Variants in KHDRBS3 observed in about 807,000 individuals in gnomAD.
KHDRBS3 encodes KH RNA binding domain containing, signal transduction associated 3.
Under a neutral mutation model 45.6 loss-of-function variants are expected in KHDRBS3, and 23 were observed. The observed-to-expected ratio is 0.50, with a 90% CI of 0.36 to 0.72. KHDRBS3 has a LOEUF of 0.72. KHDRBS3 is among the 30% of genes least tolerant of loss of function. The pLI, the probability that KHDRBS3 is intolerant of heterozygous loss-of-function variation, is 0.00. For synonymous variants in KHDRBS3, 162 were observed against 156.5 expected (o/e 1.04, Z -0.26); for missense variants, 352 against 424.8 (o/e 0.83, Z 1.51).
At chr8:135,480,594 T>G (rs1822512076) in intron 1 of KHDRBS3, among the ~76,000 whole-genome samples, 1 of 152,088 alleles carries the variant, frequency 6.6e-6, no homozygotes, top group East Asian at 1.9e-4. Context: ...AAGGCACTCT[T>G]TACATACTTG....
intron 6 of KHDRBS3, among the ~76,000 whole-genome samples, chr8:135,584,703 G>A (rs977789151): frequency 1.3e-5 from 2 of 152,120 alleles, no homozygotes; most frequent in African/African-American, 4.8e-5. Context: ...TGCTTACAGT[G>A]GCTTGCCATC....
At chr8:135,611,709 A>G (rs1032592932) in intron 7 of KHDRBS3, among the ~76,000 whole-genome samples, 2 of 151,896 alleles carry the variant, frequency 1.3e-5, no homozygotes, top group South Asian at 2.1e-4. Context: ...CCTCATTTCA[A>G]TTTAAATCAG....
At chr8:135,523,920 T>C (rs893748717) in intron 2 of KHDRBS3, among the ~76,000 whole-genome samples, 1 of 152,218 alleles carries the variant, frequency 6.6e-6, no homozygotes, top group African/African-American at 2.4e-5. Flanking sequence ...CTAAAACCTT[T>C]GTATTCTTGG....
chr8:135,556,971 T>C (rs1045740356), intron 4 of KHDRBS3, among the ~76,000 whole-genome samples: 6 of 152,216 alleles, frequency 3.9e-5, no homozygotes, highest in African/African-American at 1.4e-4. Context: ...GTCCCTGTGG[T>C]TCTTAACTAC....
intron 4 of KHDRBS3, among the ~76,000 whole-genome samples, chr8:135,553,353 T>TG (rs1261077986): frequency 1.3e-5 from 2 of 152,188 alleles, no homozygotes; most frequent in Admixed American, 1.3e-4. Flanking sequence ...TTGCTTTTTA[T>TG]GGGGGAGGCT....
At chr8:135,481,959 A>G (rs889571488) in intron 1 of KHDRBS3, among the ~76,000 whole-genome samples, 2 of 152,106 alleles carry the variant, frequency 1.3e-5, no homozygotes, top group Non-Finnish European at 2.9e-5. Context: ...TAGAAAACTG[A>G]AGGTTTGGTT....
intron 1 of KHDRBS3, among the ~76,000 whole-genome samples, chr8:135,466,275 A>C (rs1821693217): frequency 6.6e-6 from 1 of 152,184 alleles, no homozygotes; most frequent in African/African-American, 2.4e-5. Flanking sequence ...CACTGTAGCT[A>C]GGTTCTTCAC....
intron 7 of KHDRBS3, among the ~76,000 whole-genome samples, chr8:135,641,574 A>G (rs1831059767): frequency 6.6e-6 from 1 of 152,222 alleles, no homozygotes; most frequent in African/African-American, 2.4e-5. Context: ...ATGAGAAATT[A>G]TGTTGACTAC....
intron 2 of KHDRBS3, among the ~76,000 whole-genome samples, chr8:135,536,885 G>A (rs4909292): frequency 0.029 from 4,204 of 145,778 alleles, 201 homozygotes; most frequent in African/African-American, 0.099. Flanking sequence ...GCATGAACCC[G>A]GGAAGCGGAG....
intron 6 of KHDRBS3, among the ~76,000 whole-genome samples, chr8:135,582,705 G>A (rs181061391): frequency 6.6e-6 from 1 of 152,312 alleles, no homozygotes; most frequent in East Asian, 1.9e-4. Flanking sequence ...CAATGGATAG[G>A]TGATTCATAT....
intron 1 of KHDRBS3, among the ~76,000 whole-genome samples, chr8:135,504,000 G>T (rs1823866499): frequency 6.6e-6 from 1 of 152,124 alleles, no homozygotes; most frequent in African/African-American, 2.4e-5. Flanking sequence ...GACACTTGAG[G>T]TCTGCTGTTA....
intron 7 of KHDRBS3, among the ~76,000 whole-genome samples, chr8:135,609,589 C>T (rs1352993913): frequency 3.3e-5 from 5 of 151,864 alleles, no homozygotes; most frequent in Non-Finnish European, 7.4e-5. Flanking sequence ...GCCACCACAC[C>T]GGGCCTACCT....
chr8:135,499,364 T>C (rs1823617864), intron 1 of KHDRBS3, among the ~76,000 whole-genome samples: 1 of 152,204 alleles, frequency 6.6e-6, no homozygotes, highest in Non-Finnish European at 1.5e-5. Context: ...TTGCTAAAGT[T>C]ACGCGGCTGC....
At position 135,484,008 on chromosome 8, in the gene KHDRBS3, T is replaced by C. The variant is rs542912243; in HGVS notation, c.88+26054T>C. Among the ~76,000 whole-genome samples the C allele has an allele frequency of 1.1e-4, 16 of 152,258 alleles. 1 individual carries two copies. In the South Asian group the frequency reaches 3.3e-3, roughly 32 times the overall value. On this transcript the variant is annotated intron_variant, in intron 1 of 8. Transcript: ENST00000355849. The stretch of plus-strand genomic sequence containing the variant: ...TGGACCGCTTAGGTTTGGGTCTGTC[T>C]TATCCCTGTGGCTTACTAGCTGTAT...
intron 4 of KHDRBS3, among the ~76,000 whole-genome samples, chr8:135,551,979 G>A (rs1042632004): frequency 1.3e-5 from 2 of 152,042 alleles, no homozygotes; most frequent in Non-Finnish European, 2.9e-5. Context: ...ATGCTACTCT[G>A]CTACCTTCTG....
chr8:135,486,298 C>G (rs1246012678), intron 1 of KHDRBS3, among the ~76,000 whole-genome samples: 1 of 152,122 alleles, frequency 6.6e-6, no homozygotes, highest in African/African-American at 2.4e-5. Context: ...TCCAGATAGT[C>G]AAAACAGTAC....
At chr8:135,490,756 G>T (rs955464308) in intron 1 of KHDRBS3, among the ~76,000 whole-genome samples, 21 of 152,124 alleles carry the variant, frequency 1.4e-4, no homozygotes, top group Admixed American at 5.2e-4. Context: ...TATGATTAAA[G>T]GGATAAGACA....
chr8:135,505,476 C>A (rs1409845028), intron 1 of KHDRBS3, among the ~76,000 whole-genome samples: 4 of 152,086 alleles, frequency 2.6e-5, no homozygotes, highest in Non-Finnish European at 5.9e-5. Context: ...AGGTACTTTC[C>A]ACTATACTTC....
At chr8:135,625,855 C>T (rs1156994832) in intron 7 of KHDRBS3, 1 of 768,962 alleles carries the variant, frequency 1.3e-6, no homozygotes, top group Admixed American at 1.7e-5. Context: ...TGACACTAGG[C>T]AGCCCCTGAG....
Sources: allele counts gnomAD v4.1 joint callset (sites outside exome capture counted in the v4.1 genomes callset), GRCh38; gene constraint gnomAD v4.1.1; transcripts MANE v1.5; gene names NCBI Gene and HGNC (gene_info 2026-07-23, HGNC 2026-07-21).